CSPG4: variants seen among roughly 807,000 people sequenced by gnomAD.
CSPG4 encodes the protein chondroitin sulfate proteoglycan 4.
Under a neutral mutation model 139.3 loss-of-function variants are expected in CSPG4, and 74 were observed. The observed-to-expected ratio is 0.53, with a 90% CI of 0.44 to 0.64. The LOEUF is 0.64. Ranked by LOEUF, CSPG4 falls within the 30% of genes least tolerant of loss-of-function variation. The pLI is 0.00. For synonymous variants in CSPG4, 1,234 were observed against 1,394.2 expected, an observed-to-expected ratio of 0.89 and a Z score of 2.56; for missense variants, 2,565 against 3,148.3, an observed-to-expected ratio of 0.81 and a Z score of 4.43.
In CSPG4 at chr15:75,682,752, G is replaced by A. The variant is rs768039791; in HGVS notation, c.4649-11C>T. On this transcript the variant is annotated splice_polypyrimidine_tract_variant and intron_variant, in intron 6 of 9. Transcript: ENST00000308508. ...CTCCATCCAGGGTTCCTGGGGACAG[G>A]GGCATTGGGTCCAGCTGGCCCGAGC... 3.0e-5 allele frequency: 49 copies of A among 1,612,118 alleles called. No homozygotes were observed. The highest frequency in any genetic ancestry group is 3.8e-5 in the Non-Finnish European group (45 of 1,179,474).
intron 3 of CSPG4, among the ~76,000 whole-genome samples, chr15:75,686,321 T>C (rs1157963000): frequency 3.3e-5 from 5 of 151,226 alleles, no homozygotes; most frequent in Non-Finnish European, 5.9e-5. Flanking sequence ...TTCAGGCCTG[T>C]GGCTGGTTTG....
Position 75,687,749 on chromosome 15 carries a change from G to A in CSPG4, c.3316C>T (p.Gln1106Ter). The A allele has an allele frequency of 6.2e-7, 1 of 1,612,956 alleles. No homozygotes were observed. The highest frequency in any genetic ancestry group is 8.5e-7 in the Non-Finnish European group (1 of 1,180,020). Residue 1106 changes from glutamine (Q) to a stop codon, truncating the protein, a stop_gained, in exon 3 of 10, where the codon CAG becomes TAG. Transcript: ENST00000308508. LOFTEE classifies it high-confidence loss of function. This position sits in a 1 kb window ranked among gnomAD's most constrained non-coding sequence, Gnocchi z 5.4. ...SGADRGWIQL[Q>*]VSDGQHQATA... Reference sequence around the variant, plus strand: ...GCCTGGTGTTGCCCGTCGGACACCTGCAGCTGGATCCAGCCACGGTCAGCC... The same window carrying A: ...GCCTGGTGTTGCCCGTCGGACACCTACAGCTGGATCCAGCCACGGTCAGCC...
At chr15:75,677,986 G>A (rs117555715) in intron 8 of CSPG4, 100 bp from the exon 9 acceptor site, 26,101 of 1,119,142 alleles carry the variant, frequency 0.023, 446 homozygotes, top group Middle Eastern at 0.065. Flanking sequence ...GGCTCTCCTG[G>A]GTGTGCCCAG....
At chr15:75,707,554 G>T (rs1894389783) in intron 1 of CSPG4, among the ~76,000 whole-genome samples, 1 of 152,216 alleles carries the variant, frequency 6.6e-6, no homozygotes. Flanking sequence ...GGGCAGGAGA[G>T]GCCACACAGC....
Position 75,685,610 on chromosome 15 carries a change from G to A in CSPG4, c.3881C>T (p.Ala1294Val), listed in dbSNP as rs774680645. Residue 1294 changes from alanine to valine, a missense_variant, in exon 4 of 10, where the codon GCC becomes GTC. This residue lies in a region of CSPG4 where 2,316 missense variants were observed against 2,818.2 expected (regional missense o/e 0.82). Coordinates refer to ENST00000308508, the MANE Select transcript of CSPG4 (RefSeq NM_001897.5). ...AGYLVMVSRG[A>V]LADEPPSLDP... ...CAGGCTGGGTGGCTCATCTGCCAAGGCGCCACGCGACACCATCACCAGGTA... is the reference window on the plus strand; with the variant it reads ...CAGGCTGGGTGGCTCATCTGCCAAGACGCCACGCGACACCATCACCAGGTA... 1 of 1,610,082 alleles carries A rather than the reference G, an allele frequency of 6.2e-7. No individual in the cohort carries two copies. The highest frequency in any genetic ancestry group is 8.5e-7 in the Non-Finnish European group (1 of 1,179,452).
Position 75,675,737 on chromosome 15 carries a change from G to A in CSPG4, c.6782C>T (p.Thr2261Ile), listed in dbSNP as rs113030903. The A allele has an allele frequency of 6.2e-7, 1 of 1,603,696 alleles. No individual in the cohort carries two copies. The part of the protein sequence containing the change: ...KTGKHDVQVL[T>I]AKPRNGLAGD... Reference sequence around the variant, plus strand: ...AGCCAGGCCGTTGCGGGGCTTGGCAGTCAGGACCTGGACGTCATGCTTGCC... The same window carrying A: ...AGCCAGGCCGTTGCGGGGCTTGGCAATCAGGACCTGGACGTCATGCTTGCC... The change falls in exon 10 of 10, where the codon ACT (threonine) becomes ATT (isoleucine). Residue 2261 changes from threonine (T) to isoleucine (I), a missense_variant. By Grantham distance (89) the Thr-to-Ile change is moderately conservative (BLOSUM62 -1). Coordinates refer to ENST00000308508, the MANE Select transcript of CSPG4 (RefSeq NM_001897.5).
intron 1 of CSPG4, among the ~76,000 whole-genome samples, chr15:75,711,872 T>C (rs1894451325): frequency 1.3e-5 from 2 of 152,176 alleles, no homozygotes; most frequent in Admixed American, 6.5e-5. Flanking sequence ...AGAGAGGGGA[T>C]ATATCCCAGC....
intron 2 of CSPG4, among the ~76,000 whole-genome samples, chr15:75,692,834 A>G (rs1894182301): frequency 6.6e-6 from 1 of 152,266 alleles, no homozygotes; most frequent in Non-Finnish European, 1.5e-5. Context: ...GTCAGAGCAC[A>G]AAGGGCCAGC....
Position 75,676,100 on chromosome 15 carries a change from T to C in CSPG4, c.6419A>G (p.Asp2140Gly). Residue 2140 changes from aspartate to glycine, a missense_variant, in exon 10 of 10, where the codon GAC becomes GGC. Around this residue, in one of 5 missense-constraint regions of CSPG4, gnomAD observed 2,316 missense variants for 2,818.2 expected, o/e 0.82. Transcript: ENST00000308508. ...TGCCCACAGCTCCAGAGTGAGACTGTCACCTGCGGGGCCGGGGGCCCTCCC... is the reference window on the plus strand; with the variant it reads ...TGCCCACAGCTCCAGAGTGAGACTGCCACCTGCGGGGCCGGGGGCCCTCCC... The part of the protein sequence containing the change: ...PEGRAPGPAG[D>G]SLTLELWAQG... 2 of 1,534,674 alleles carry C rather than the reference T, an allele frequency of 1.3e-6. No individual in the cohort carries two copies. The highest frequency in any genetic ancestry group is 1.7e-6 in the Non-Finnish European group (2 of 1,144,382).
chr15:75,694,252 T>C (rs1894198956), intron 1 of CSPG4, among the ~76,000 whole-genome samples: 1 of 152,236 alleles, frequency 6.6e-6, no homozygotes, highest in African/African-American at 2.4e-5. Context: ...TTCTGTCCCA[T>C]ACTGGGACTC....
rs1894231704 is a variant in CSPG4, at chr15:75,696,746, C to T, written c.89-3513G>A. On this transcript the variant is annotated intron_variant, in intron 1 of 9. Coordinates refer to ENST00000308508, the MANE Select transcript of CSPG4 (RefSeq NM_001897.5). This position sits in a 1 kb window ranked among gnomAD's most constrained non-coding sequence, Gnocchi z 4.2. ...CTCCCCATAAACAGGGCACTGCTGT[C>T]TGGGCCTGAGGGTGGGGTGGCTCCA... Among the ~76,000 whole-genome samples the T allele has an allele frequency of 6.6e-6, 1 of 152,174 alleles. No homozygotes were observed. The highest frequency in any genetic ancestry group is 2.1e-4 in the South Asian group (1 of 4,824).
Position 75,688,275 on chromosome 15 carries a change from G to A in CSPG4, c.2790C>T (p.Ala930=). Residue 930 remains alanine, a synonymous_variant, in exon 3 of 10, where the codon GCC becomes GCT. Coordinates refer to ENST00000308508, the MANE Select transcript of CSPG4 (RefSeq NM_001897.5). ...DHLFVKSLNS[A]SYLYEVMERP... ...GCTCCATGACCTCATAGAGGTAGCT[G>A]GCACTGTTGAGACTCTTGACAAAGA... The A allele has an allele frequency of 3.1e-6, 5 of 1,613,080 alleles. No individual in the cohort carries two copies. Among genetic ancestry groups the A allele is most frequent in the Non-Finnish European group, 4.2e-6 (5 of 1,180,040 alleles).
Position 75,677,175 on chromosome 15 carries a change from C to G in CSPG4, c.5344G>C (p.Gly1782Arg). Residue 1782 changes from glycine to arginine, a missense_variant, in exon 10 of 10, where the codon GGG becomes CGG. Gly to Arg is a moderately radical substitution (Grantham distance 125). Transcript: ENST00000308508. ...CCGCCGTGGGCATACACTAGCTGCC[C>G]TGCAGCCAGCTGGGACTGCAGGAAG... ...PHFLQSQLAA[G>R]QLVYAHGGGG... 7.0e-7 allele frequency: 1 copy of G among 1,433,180 alleles called. No homozygotes were observed. The highest frequency in any genetic ancestry group is 9.2e-7 in the Non-Finnish European group (1 of 1,090,672). The allele number at this position is 1,433,180 out of a possible 1,614,324, so 88.8% of individuals were successfully genotyped here. A position where few individuals can be genotyped will look rare whatever the true frequency, so the allele number is the denominator to read the frequency against.
At chr15:75,680,011 G>C (rs1893951186) in intron 8 of CSPG4, 1 of 152,224 alleles carries the variant, frequency 6.6e-6, no homozygotes, top group Non-Finnish European at 1.5e-5. Flanking sequence ...GAAACACTGG[G>C]AACTATTTTC....
chr15:75,703,804 C>T (rs916095434), intron 1 of CSPG4, among the ~76,000 whole-genome samples: 3 of 135,970 alleles, frequency 2.2e-5, no homozygotes, highest in Admixed American at 7.4e-5. Context: ...GTGGGGTAAC[C>T]GTAGCCTGGG....
rs111451826 is a variant in CSPG4 at position 75,683,850 on chromosome 15, C to T, written c.4450-809G>A. Among the ~76,000 whole-genome samples, 195 of 152,274 alleles carry T rather than the reference C, an allele frequency of 1.3e-3. 1 individual carries two copies. The highest frequency in any genetic ancestry group is 4.6e-3 in the African/African-American group (191 of 41,580). On this transcript the variant is annotated intron_variant, in intron 5 of 9. Coordinates refer to ENST00000308508, the MANE Select transcript of CSPG4 (RefSeq NM_001897.5). Reference sequence around the variant, plus strand: ...CCTGGCAGGAGGGGCCATAATGTTGCGGGGCAGGACCCCAGCACTAGGCTT... The same window carrying T: ...CCTGGCAGGAGGGGCCATAATGTTGTGGGGCAGGACCCCAGCACTAGGCTT...
chr15:75,709,180 C>A (rs984385645), intron 1 of CSPG4, among the ~76,000 whole-genome samples: 2 of 152,182 alleles, frequency 1.3e-5, no homozygotes, highest in Admixed American at 6.5e-5. Flanking sequence ...AAATTCAGTT[C>A]ATTCAAAAAT....
rs1894033389 is a variant in CSPG4 at position 75,684,974 on chromosome 15, G to C, written c.4273-62C>G. Reference sequence around the variant, plus strand: ...CAGCACCCTTCATGCCCTGCCTTTGGGTGCAGGAGGAGACTGACTCTTTTA... The same window carrying C: ...CAGCACCCTTCATGCCCTGCCTTTGCGTGCAGGAGGAGACTGACTCTTTTA... On this transcript the variant is annotated intron_variant, in intron 4 of 9. Coordinates refer to ENST00000308508, the MANE Select transcript of CSPG4 (RefSeq NM_001897.5). 3 of 1,511,882 alleles carry C rather than the reference G, an allele frequency of 2.0e-6. No individual in the cohort carries two copies. The African/African-American group carries it at 4.1e-5, about 21-fold the overall frequency. 93.7% of individuals were successfully genotyped at this position (1,511,882 alleles called of 1,614,324 possible). A position where few individuals can be genotyped will look rare whatever the true frequency, so the allele number is the denominator to read the frequency against.
At position 75,676,607 on chromosome 15, in the gene CSPG4, T is replaced by C. The variant is rs377610079; in HGVS notation, c.5912A>G (p.Asp1971Gly). ...LSQQQLRVVSDREEPEAAYRL... is the reference protein window; with the variant it reads ...LSQQQLRVVSGREEPEAAYRL... ...GTATGCTGCCTCTGGCTCCTCCCGA[T>C]CTGAAACCACCCGGAGCTGCTGCTG... The change falls in exon 10 of 10, where the codon GAT (aspartate) becomes GGT (glycine). Residue 1971 changes from aspartate (D) to glycine (G), a missense_variant. Asp to Gly is a moderately conservative substitution (Grantham distance 94, BLOSUM62 -1). Coordinates refer to ENST00000308508, the MANE Select transcript of CSPG4 (RefSeq NM_001897.5). The C allele has an allele frequency of 1.9e-6, 3 of 1,610,294 alleles. No individual in the cohort carries two copies. Among genetic ancestry groups the C allele is most frequent in the African/African-American group, 2.7e-5 (2 of 74,876 alleles).
Sources: gnomAD v4.1 joint callset for allele counts (sites outside exome capture counted in the v4.1 genomes callset) on GRCh38, gnomAD v4.1.1 for gene constraint, gnomAD v4.1.1 regional missense constraint, Gnocchi (gnomAD v3.1) non-coding constraint, MANE v1.5 for transcripts, NCBI Gene and HGNC (gene_info 2026-07-23, HGNC 2026-07-21) for gene names.